The following PLXND1 variants were observed in gnomAD, a reference collection of about 807,000 sequenced individuals.
PLXND1 encodes the protein plexin D1.
In PLXND1, 54 loss-of-function variants were observed where a neutral mutation model predicts 197.7. The observed-to-expected ratio is 0.27, with a 90% CI of 0.22 to 0.34. PLXND1 has a LOEUF of 0.34. Among genes scored for constraint, PLXND1 ranks in the 10% least tolerant of loss-of-function variants. PLXND1 has a pLI of 1.00. For missense variants in PLXND1, 2,127 were observed against 2,699.2 expected (o/e 0.79, Z 4.70); for synonymous variants, 1,180 against 1,161.2 (o/e 1.02, Z -0.33).
At chr3:129,590,872 G>T (rs1216144151) in intron 1 of PLXND1, among the ~76,000 whole-genome samples, 1 of 152,224 alleles carries the variant, frequency 6.6e-6, no homozygotes, top group East Asian at 1.9e-4. Context: ...GACATCAGAG[G>T]CTCAGAGCAG....
rs1172379332 is a variant in PLXND1 at position 129,584,156 on chromosome 3, T to C, written c.2107A>G (p.Ser703Gly). The change falls in exon 7 of 36, where the codon AGC (serine) becomes GGC (glycine). Residue 703 changes from serine (S) to glycine (G), a missense_variant. Ser to Gly is a moderately conservative substitution (Grantham distance 56, BLOSUM62 0). Transcript: ENST00000324093. ...VKANFTIYDCSRTAQVYPHTA... is the reference protein window; with the variant it reads ...VKANFTIYDCGRTAQVYPHTA... ...TGGGGGTACACTTGTGCAGTGCGGC[T>C]GCAGTCGTAGATGGTGAAATTGGCC... 1 of 1,569,786 alleles carries C rather than the reference T, an allele frequency of 6.4e-7. No homozygotes were observed. Among genetic ancestry groups the C allele is most frequent in the East Asian group, 2.3e-5 (1 of 43,182 alleles).
chr3:129,592,609 C>T (rs905701560), intron 1 of PLXND1, among the ~76,000 whole-genome samples: 9 of 151,966 alleles, frequency 5.9e-5, no homozygotes, highest in Non-Finnish European at 1.0e-4. Flanking sequence ...GCTGGGAGCC[C>T]GCTCCCCCCT....
chr3:129,583,557 C>T lies in PLXND1; in HGVS notation c.2241+10G>A, dbSNP rs1305919206. On this transcript the variant is annotated intron_variant, in intron 8 of 35. Transcript: ENST00000324093. ...CAGCAGAGGCGGAGGGGCCCCCTAG[C>T]CTGGCTTACCGTGGGGTTTGGTGAG... The T allele has an allele frequency of 1.9e-6, 3 of 1,599,136 alleles. No homozygotes were observed. Among genetic ancestry groups the T allele is most frequent in the African/African-American group, 2.7e-5 (2 of 74,346 alleles).
chr3:129,561,522 A>G (rs1195562999), intron 29 of PLXND1, 124 bp downstream of exon 29: 2 of 702,700 alleles, frequency 2.8e-6, no homozygotes, highest in Non-Finnish European at 4.8e-6. Context: ...CCCAGCCCCC[A>G]CCAAGGAGGC....
Position 129,583,657 on chromosome 3 carries a change from G to A in PLXND1, c.2151C>T (p.Cys717=). 6.2e-7 allele frequency: 1 copy of A among 1,612,556 alleles called. No individual in the cohort carries two copies. Among genetic ancestry groups the A allele is most frequent in the African/African-American group, 1.3e-5 (1 of 74,940 alleles). The change falls in exon 8 of 36, where the codon TGC becomes TGT. Residue 717 remains cysteine (C), a synonymous_variant. Transcript: ENST00000324093. The part of the protein sequence containing the change: ...QVYPHTACTS[C]LSAQWPCFWC... ...AGAAACAGGGCCACTGTGCCGACAG[G>A]CAGCTGGTACAGCTGGAAGACAAGG...
At chr3:129,604,561 G>A (rs2085756478) in intron 1 of PLXND1, among the ~76,000 whole-genome samples, 1 of 152,234 alleles carries the variant, frequency 6.6e-6, no homozygotes, top group African/African-American at 2.4e-5. Context: ...CTCCACAAGT[G>A]CTATTGTTTA....
intron 13 of PLXND1, 189 bp from the exon 14 acceptor site, chr3:129,573,130 T>C (rs2085262181): frequency 3.3e-6 from 2 of 597,148 alleles, no homozygotes; most frequent in Non-Finnish European, 6.0e-6. Flanking sequence ...TCTCTGATCA[T>C]GAGAACGTCT....
At chr3:129,565,607 G>T (rs767322855) in intron 24 of PLXND1, 69 bp from the exon 25 acceptor site, 389 of 1,362,138 alleles carry the variant, frequency 2.9e-4, no homozygotes, top group Non-Finnish European at 2.4e-4. Flanking sequence ...GGGTCTCAGT[G>T]CCGCCTCATC....
intron 3 of PLXND1, 87 bp from the exon 4 acceptor site, chr3:129,586,359 A>G: frequency 2.6e-6 from 3 of 1,152,432 alleles, no homozygotes; most frequent in Non-Finnish European, 3.7e-6. Context: ...GCGGGCCATG[A>G]GAGGCTGGGG....
intron 28 of PLXND1, 29 bp downstream of exon 28, chr3:129,561,771 G>A (rs1350188204): frequency 1.5e-6 from 2 of 1,362,298 alleles, no homozygotes; most frequent in Middle Eastern, 2.3e-4. Flanking sequence ...ATGAGGGTGG[G>A]GAAATGGGGG....
intron 8 of PLXND1, among the ~76,000 whole-genome samples, chr3:129,582,957 A>G (rs867115429): frequency 1.3e-4 from 20 of 152,266 alleles, no homozygotes; most frequent in African/African-American, 4.6e-4. Flanking sequence ...AGGCCAGCCC[A>G]TCCTCCCTGT....
chr3:129,565,231 A>G (rs1311974140), intron 25 of PLXND1, 109 bp downstream of exon 25: 1 of 857,562 alleles, frequency 1.2e-6, no homozygotes, highest in East Asian at 2.5e-5. Context: ...CCCTCCTGGC[A>G]GAGCTGGCCT....
intron 34 of PLXND1, 35 bp from the exon 35 acceptor site, chr3:129,556,726 A>G (rs1358266443): frequency 1.3e-6 from 2 of 1,487,622 alleles, no homozygotes; most frequent in South Asian, 2.3e-5. Flanking sequence ...AGGTTAGCCC[A>G]GCGGTCAAAG....
chr3:129,601,441 A>G (rs2108806335), intron 1 of PLXND1, among the ~76,000 whole-genome samples: 1 of 152,200 alleles, frequency 6.6e-6, no homozygotes, highest in South Asian at 2.1e-4. Flanking sequence ...GATTCCTGCC[A>G]GGGCCCAGGG....
In PLXND1 at chr3:129,561,782, C is replaced by T. The variant is rs755551284; in HGVS notation, c.4929+18G>A. The T allele has an allele frequency of 7.9e-5, 42 of 534,696 alleles. No individual in the cohort carries two copies. Among genetic ancestry groups the T allele is most frequent in the African/African-American group, 4.1e-4 (14 of 33,834 alleles). 33.1% of individuals were successfully genotyped at this position (534,696 alleles called of 1,614,324 possible). On this transcript the variant is annotated intron_variant, in intron 28 of 35. Transcript: ENST00000324093. ...GGGCATGAGGGTGGGGAAATGGGGGCGGGGGGCAGGGCTGCACCTTGTAAT... is the reference window on the plus strand; with the variant it reads ...GGGCATGAGGGTGGGGAAATGGGGGTGGGGGGCAGGGCTGCACCTTGTAAT...
Position 129,577,058 on chromosome 3 carries a change from G to T in PLXND1, c.2347-1203C>A, listed in dbSNP as rs867016186. On this transcript the variant is annotated intron_variant, in intron 9 of 35. Transcript: ENST00000324093. The surrounding 1 kb of genome is among the most constrained non-coding windows in gnomAD (Gnocchi z 5.0). Reference sequence around the variant, plus strand: ...CTGCTTCTGGGGTCCCAGCCCGGAAGCTAACACAGGAAAGTGGCTGCTGAC... The same window carrying T: ...CTGCTTCTGGGGTCCCAGCCCGGAATCTAACACAGGAAAGTGGCTGCTGAC... Among the ~76,000 whole-genome samples the T allele has an allele frequency of 1.3e-5, 2 of 152,194 alleles. No individual in the cohort carries two copies. Among genetic ancestry groups the T allele is most frequent in the African/African-American group, 2.4e-5 (1 of 41,454 alleles).
At chr3:129,593,628 C>G (rs1363615668) in intron 1 of PLXND1, among the ~76,000 whole-genome samples, 1 of 152,222 alleles carries the variant, frequency 6.6e-6, no homozygotes, top group Non-Finnish European at 1.5e-5. Context: ...CTAATTTTGA[C>G]TAAAGTGTGA....
At chr3:129,605,264 C>T in intron 1 of PLXND1, 65 bp downstream of exon 1, 82 of 478,184 alleles carry the variant, frequency 1.7e-4, no homozygotes, top group Non-Finnish European at 2.5e-4. Context: ...GCTCGGTTCC[C>T]GCCCGCCCCC....
intron 21 of PLXND1, 45 bp from the exon 22 acceptor site, chr3:129,567,649 C>G: frequency 6.3e-7 from 1 of 1,581,044 alleles, no homozygotes; most frequent in Non-Finnish European, 8.7e-7. Flanking sequence ...GAACCCATCC[C>G]CTAGGAGGGA....
Sources: gnomAD v4.1 joint callset for allele counts (sites outside exome capture counted in the v4.1 genomes callset) on GRCh38, gnomAD v4.1.1 for gene constraint, Gnocchi (gnomAD v3.1) non-coding constraint, MANE v1.5 for transcripts, NCBI Gene and HGNC (gene_info 2026-07-23, HGNC 2026-07-21) for gene names.